MMP2: variants seen among roughly 807,000 people sequenced by gnomAD.
The protein encoded by MMP2 is matrix metallopeptidase 2, also known as 72 kDa type IV collagenase.
MMP2 carries 39 observed loss-of-function variants against 74.8 expected under a neutral mutation model. That is an observed-to-expected ratio of 0.52 (90% CI 0.40 to 0.68). The LOEUF (loss-of-function observed/expected upper bound fraction) is 0.68. MMP2 is among the 30% of genes least tolerant of loss of function. The pLI is 0.00. For synonymous variants in MMP2, 367 were observed against 339.8 expected (o/e 1.08, Z -0.88); for missense variants, 803 against 878.3 (o/e 0.91, Z 1.08).
chr16:55,486,920 A>G (rs1442734262), intron 5 of MMP2: 5 of 152,190 alleles, frequency 3.3e-5, no homozygotes, highest in African/African-American at 1.2e-4. Context: ...AGAAACAAAG[A>G]GCTAGTTAAT....
chr16:55,489,253 C>G (rs1050641014), intron 6 of MMP2, among the ~76,000 whole-genome samples: 1 of 152,226 alleles, frequency 6.6e-6, no homozygotes, highest in Admixed American at 6.5e-5. Context: ...CAAAGCCCTG[C>G]CCAAGGGGGC....
chr16:55,497,834 T>A (rs9939185), intron 10 of MMP2, among the ~76,000 whole-genome samples: 1 of 151,878 alleles, frequency 6.6e-6, no homozygotes, highest in Non-Finnish European at 1.5e-5. Context: ...TAAAGAAGGA[T>A]TTAGGAGGTC....
Position 55,491,914 on chromosome 16 carries a change from C to T in MMP2, c.1294C>T (p.Arg432Cys), listed in dbSNP as rs1477890644. ...APIYTYTKNF[R>C]LSQDDIKGIQ... ...CATTTACACCTACACCAAGAACTTC[C>T]GTCTGTCCCAGGATGACATCAAGGG... Residue 432 changes from arginine (R) to cysteine (C), a missense_variant, in exon 8 of 13, where the codon CGT becomes TGT. By Grantham distance (180) the Arg-to-Cys change is radical. Coordinates refer to ENST00000219070, the MANE Select transcript of MMP2 (RefSeq NM_004530.6). 2.1e-5 allele frequency: 34 copies of T among 1,611,744 alleles called. No individual in the cohort carries two copies. Among genetic ancestry groups the T allele is most frequent in the South Asian group, 7.7e-5 (7 of 91,028 alleles).
In MMP2 at chr16:55,479,858, A is replaced by G. The variant is rs1470313046; in HGVS notation, c.153+226A>G. On this transcript the variant is annotated intron_variant, in intron 1 of 12. Transcript: ENST00000219070. The stretch of plus-strand genomic sequence containing the variant: ...TTTGATAAACAATTTGGCAACCTTC[A>G]GCATACAGCAGTGGGGCGAAAAACA... 3.4e-5 allele frequency: 21 copies of G among 608,788 alleles called. No individual in the cohort carries two copies. The East Asian group carries it at 5.0e-4, about 15-fold the overall frequency. The allele number at this position is 608,788 out of a possible 1,614,324, so 37.7% of individuals were successfully genotyped here. A position where few individuals can be genotyped will look rare whatever the true frequency, so the allele number is the denominator to read the frequency against.
chr16:55,489,977 A>G lies in MMP2; in HGVS notation c.1180+153A>G, dbSNP rs243848. On this transcript the variant is annotated intron_variant, in intron 7 of 12. Transcript: ENST00000219070. ...AGACCCGCCCACCTGGGCTGAGACA[A>G]TGCCCATCTCTGGTGGAGCCAAGGT... 0.026 allele frequency among the ~76,000 whole-genome samples: 3,942 copies of G among 152,210 alleles called. 99 individuals are homozygous for G. Among genetic ancestry groups the G allele is most frequent in the Non-Finnish European group, 0.035 (2,391 of 67,998 alleles).
chr16:55,489,159 C>T (rs1962337870), intron 6 of MMP2, among the ~76,000 whole-genome samples: 1 of 152,156 alleles, frequency 6.6e-6, no homozygotes, highest in Non-Finnish European at 1.5e-5. Context: ...CCTCTCTATC[C>T]CTCCCTCCTT....
chr16:55,481,963 C>A, intron 1 of MMP2: 1 of 635,750 alleles, frequency 1.6e-6, no homozygotes, highest in South Asian at 2.0e-5. Flanking sequence ...TAACTACTTC[C>A]AACAAGGCTA....
chr16:55,491,985 G>GT, intron 8 of MMP2, 29 bp downstream of exon 8: 3 of 1,411,800 alleles, frequency 2.1e-6, no homozygotes, highest in Non-Finnish European at 2.9e-6. Flanking sequence ...GTTGGGGGTG[G>GT]AGGGTGAGGA....
rs57608135 is a variant in MMP2 at position 55,486,347 on chromosome 16, CTGTGTGTG to C, written c.832+606_832+613del. ...CGTGTGTGTGTGTGTGTGTGTGTGC[CTGTGTGTG>C]TGTGTGTGTGTGTGTGTGTGTGTGT... On this transcript the variant is annotated intron_variant, in intron 5 of 12. Coordinates refer to ENST00000219070, the MANE Select transcript of MMP2 (RefSeq NM_004530.6). Among the ~76,000 whole-genome samples the C allele has an allele frequency of 3.7e-4, 51 of 137,802 alleles. 1 individual carries two copies. Among genetic ancestry groups the C allele is most frequent in the South Asian group, 9.8e-4 (4 of 4,074 alleles). 90.4% of individuals were successfully genotyped at this position (137,802 alleles called of 152,430 possible).
intron 7 of MMP2, among the ~76,000 whole-genome samples, chr16:55,491,517 A>G (rs1340527592): frequency 6.6e-6 from 1 of 152,046 alleles, no homozygotes; most frequent in Non-Finnish European, 1.5e-5. Flanking sequence ...CGCAGATACT[A>G]CTTGTTCTGT....
intron 3 of MMP2, among the ~76,000 whole-genome samples, chr16:55,484,875 A>T (rs1410916760): frequency 6.6e-6 from 1 of 152,182 alleles, no homozygotes; most frequent in Non-Finnish European, 1.5e-5. Context: ...GGGCATGAGG[A>T]TTCATGTTGC....
intron 9 of MMP2, 97 bp downstream of exon 9, chr16:55,493,390 A>C (rs2142361593): frequency 6.6e-7 from 1 of 1,515,284 alleles, no homozygotes; most frequent in Non-Finnish European, 9.1e-7. Context: ...GACTCCGCCA[A>C]ATGCTTCCCA....
Position 55,479,296 on chromosome 16 carries a change from G to A in MMP2, c.-184G>A, listed in dbSNP as rs1313978815. On this transcript the variant is annotated 5_prime_UTR_variant, in exon 1 of 13. Coordinates refer to ENST00000219070, the MANE Select transcript of MMP2 (RefSeq NM_004530.6). Reference sequence around the variant, plus strand: ...AGGACCTGCGGCGGCGGCGGCGGCGGCGGGGGCTGGGGCGCGGGGGCCGGA... The same window carrying A: ...AGGACCTGCGGCGGCGGCGGCGGCGACGGGGGCTGGGGCGCGGGGGCCGGA... 6 of 559,466 alleles carry A rather than the reference G, an allele frequency of 1.1e-5. No homozygotes were observed. Among genetic ancestry groups the A allele is most frequent in the African/African-American group, 2.0e-5 (1 of 50,496 alleles). 34.7% of individuals were successfully genotyped at this position (559,466 alleles called of 1,614,324 possible). A position where few individuals can be genotyped will look rare whatever the true frequency, so the allele number is the denominator to read the frequency against.
chr16:55,489,747 G>A lies in MMP2; in HGVS notation c.1103G>A (p.Arg368His), dbSNP rs765268187. 11 of 1,614,000 alleles carry A rather than the reference G, an allele frequency of 6.8e-6. No homozygotes were observed. Among genetic ancestry groups the A allele is most frequent in the South Asian group, 2.2e-5 (2 of 91,086 alleles). ...TATGAGAGCTGCACCAGCGCCGGCC[G>A]CAGTGACGGAAAGATGTGGTGTGCG... The part of the protein sequence containing the change: ...NKYESCTSAG[R>H]SDGKMWCATT... The change falls in exon 7 of 13, where the codon CGC (arginine) becomes CAC (histidine). Residue 368 changes from arginine (R) to histidine (H), a missense_variant. Physicochemically the swap from Arg to His is conservative, Grantham distance 29. Around this residue, in one of 3 missense-constraint regions of MMP2, gnomAD observed 555 missense variants for 592.0 expected, o/e 0.94. Transcript: ENST00000219070.
chr16:55,499,358 A>AGTGG (rs1197651422), intron 11 of MMP2, among the ~76,000 whole-genome samples: 1 of 151,900 alleles, frequency 6.6e-6, no homozygotes, highest in Non-Finnish European at 1.5e-5. Context: ...ACATGAAGGC[A>AGTGG]GTGGACAAAA....
At chr16:55,488,481 C>T (rs1260807825) in intron 5 of MMP2, 62 bp from the exon 6 acceptor site, 2 of 1,543,168 alleles carry the variant, frequency 1.3e-6, no homozygotes, top group East Asian at 2.3e-5. Context: ...GGGCAGCCAG[C>T]CAGCCCTGTG....
At chr16:55,488,264 G>GGC (rs1962306607) in intron 5 of MMP2, 2 of 491,826 alleles carry the variant, frequency 4.1e-6, no homozygotes, top group Non-Finnish European at 7.4e-6. Flanking sequence ...TTGGGGCTGA[G>GGC]GCAGGGTTCT....
At chr16:55,481,793 C>T (rs1199606149) in intron 1 of MMP2, 1 of 726,252 alleles carries the variant, frequency 1.4e-6, no homozygotes, top group African/African-American at 1.7e-5. Flanking sequence ...AGGCAAGTGA[C>T]TTCTCAGTTT....
chr16:55,497,915 G>C (rs530825179), intron 10 of MMP2, among the ~76,000 whole-genome samples: 1 of 152,242 alleles, frequency 6.6e-6, no homozygotes, highest in South Asian at 2.1e-4. Context: ...CCACCACCTG[G>C]CTCCCACCTC....
Sources: allele counts gnomAD v4.1 joint callset (sites outside exome capture counted in the v4.1 genomes callset), GRCh38; gene constraint gnomAD v4.1.1; regional missense constraint gnomAD v4.1.1; transcripts MANE v1.5; gene names NCBI Gene and HGNC (gene_info 2026-07-23, HGNC 2026-07-21).